PCDH9: variants seen among roughly 807,000 people sequenced by gnomAD.
The protein encoded by PCDH9 is protocadherin-9.
PCDH9 carries 24 observed loss-of-function variants against 70.6 expected under a neutral mutation model. That is an observed-to-expected ratio of 0.34 (90% CI 0.25 to 0.48). PCDH9 has a LOEUF of 0.48. Ranked by LOEUF, PCDH9 falls within the 20% of genes least tolerant of loss-of-function variation. PCDH9 has a pLI of 0.99. For synonymous variants in PCDH9, 562 were observed against 558.5 expected (o/e 1.01, Z -0.09); for missense variants, 1,281 against 1,503.6 (o/e 0.85, Z 2.45).
chr13:66,467,702 T>C (rs1958542725), intron 4 of PCDH9, among the ~76,000 whole-genome samples: 1 of 151,984 alleles, frequency 6.6e-6, no homozygotes, highest in African/African-American at 2.4e-5. Context: ...GAATGGATCC[T>C]GTATGTCAGA....
chr13:66,722,340 C>T (rs1010212623), intron 3 of PCDH9, among the ~76,000 whole-genome samples: 2 of 152,138 alleles, frequency 1.3e-5, no homozygotes, highest in African/African-American at 4.8e-5. Flanking sequence ...TAATGGTCAT[C>T]TCACTTAATG....
intron 2 of PCDH9, among the ~76,000 whole-genome samples, chr13:67,081,933 C>T (rs1291608403): frequency 6.6e-6 from 1 of 152,008 alleles, no homozygotes; most frequent in Non-Finnish European, 1.5e-5. Context: ...TTATTGGGGC[C>T]TGATTGGCAT....
chr13:66,812,497 GA>G (rs1422005773), intron 3 of PCDH9, among the ~76,000 whole-genome samples: 2 of 152,114 alleles, frequency 1.3e-5, no homozygotes, highest in African/African-American at 4.8e-5. Context: ...TACTAAGGAA[GA>G]AATTATTTGC....
chr13:66,488,286 G>A (rs1379521265), intron 4 of PCDH9, among the ~76,000 whole-genome samples: 3 of 152,124 alleles, frequency 2.0e-5, no homozygotes, highest in African/African-American at 7.2e-5. Context: ...CAAGGAGAGA[G>A]ATGACCTCTA....
intron 4 of PCDH9, among the ~76,000 whole-genome samples, chr13:66,363,797 A>G (rs959279695): frequency 2.6e-5 from 4 of 150,972 alleles, no homozygotes; most frequent in African/African-American, 9.8e-5. Context: ...GTGTGTAGAT[A>G]CTACATGAAC....
At chr13:66,637,668 C>G (rs2077656606) in intron 3 of PCDH9, among the ~76,000 whole-genome samples, 1 of 152,070 alleles carries the variant, frequency 6.6e-6, no homozygotes, top group Admixed American at 6.5e-5. Context: ...ATTCCGAGCA[C>G]TTTGGGAGGC....
chr13:66,847,929 C>T (rs1423539527), intron 3 of PCDH9, among the ~76,000 whole-genome samples: 1 of 152,096 alleles, frequency 6.6e-6, no homozygotes, highest in East Asian at 1.9e-4. Context: ...TGGTGGTTGA[C>T]CATGGGTAAC....
At chr13:67,213,572 T>C (rs1383962746) in intron 2 of PCDH9, 1 of 152,070 alleles carries the variant, frequency 6.6e-6, no homozygotes, top group Non-Finnish European at 1.5e-5. Flanking sequence ...TTCAAGATAA[T>C]ATCCACACTA....
intron 3 of PCDH9, among the ~76,000 whole-genome samples, chr13:66,746,261 C>A (rs1478288481): frequency 1.3e-5 from 2 of 152,146 alleles, no homozygotes; most frequent in African/African-American, 4.8e-5. Flanking sequence ...ATCTTCAGCT[C>A]TGAAAGTGTG....
chr13:66,334,341 G>A (rs986273483), intron 4 of PCDH9, among the ~76,000 whole-genome samples: 3 of 152,070 alleles, frequency 2.0e-5, no homozygotes, highest in African/African-American at 7.2e-5. Flanking sequence ...CATTGATGTT[G>A]CTGCAAATGA....
At chr13:66,699,273 T>C (rs1346233069) in intron 3 of PCDH9, among the ~76,000 whole-genome samples, 1 of 152,034 alleles carries the variant, frequency 6.6e-6, no homozygotes, top group African/African-American at 2.4e-5. Context: ...TGTTTGAGAC[T>C]AGAAATCATG....
At chr13:66,325,651 T>C (rs575135382) in intron 4 of PCDH9, among the ~76,000 whole-genome samples, 1 of 152,164 alleles carries the variant, frequency 6.6e-6, no homozygotes, top group Admixed American at 6.5e-5. Flanking sequence ...GCACTTGCAT[T>C]TACATATCAC....
intron 4 of PCDH9, among the ~76,000 whole-genome samples, chr13:66,405,334 T>C (rs1957262440): frequency 6.6e-6 from 1 of 152,198 alleles, no homozygotes; most frequent in Non-Finnish European, 1.5e-5. Context: ...GTGGTTGCTG[T>C]GATAGCAAAA....
chr13:66,422,317 C>T (rs1242255624), intron 4 of PCDH9, among the ~76,000 whole-genome samples: 2 of 152,164 alleles, frequency 1.3e-5, no homozygotes, highest in Non-Finnish European at 2.9e-5. Context: ...ATCTAATAGA[C>T]ATCTATAGAA....
intron 3 of PCDH9, among the ~76,000 whole-genome samples, chr13:66,647,544 G>A (rs1194778904): frequency 3.3e-5 from 5 of 152,074 alleles, no homozygotes; most frequent in South Asian, 2.1e-4. Flanking sequence ...AATCAGCAGC[G>A]GTAGCCAGGT....
chr13:67,100,050 C>T (rs2086400456), intron 2 of PCDH9, among the ~76,000 whole-genome samples: 1 of 152,134 alleles, frequency 6.6e-6, no homozygotes, highest in East Asian at 1.9e-4. Context: ...TTAGAGTAGA[C>T]ATGTCACTAA....
chr13:66,949,689 A>C (rs750389225), intron 2 of PCDH9, among the ~76,000 whole-genome samples: 13 of 152,060 alleles, frequency 8.5e-5, no homozygotes, highest in Non-Finnish European at 1.3e-4. Context: ...TTTATCAAGG[A>C]TCATCTCCAT....
chr13:66,764,571 T>C (rs1407249902), intron 3 of PCDH9, among the ~76,000 whole-genome samples: 1 of 152,068 alleles, frequency 6.6e-6, no homozygotes, highest in Non-Finnish European at 1.5e-5. Flanking sequence ...AATTTTAGAA[T>C]TTAGCTTTAA....
intron 2 of PCDH9, among the ~76,000 whole-genome samples, chr13:66,979,828 CCTT>C (rs935285636): frequency 2.6e-5 from 4 of 152,052 alleles, no homozygotes; most frequent in Admixed American, 6.6e-5. Flanking sequence ...GAATCTCTCT[CCTT>C]CTTTTTTGTC....
Sources: gnomAD v4.1 joint callset for allele counts (sites outside exome capture counted in the v4.1 genomes callset) on GRCh38, gnomAD v4.1.1 for gene constraint, MANE v1.5 for transcripts, NCBI Gene and HGNC (gene_info 2026-07-23, HGNC 2026-07-21) for gene names.